DCTN5: variants seen among roughly 807,000 people sequenced by gnomAD.
The protein encoded by DCTN5 is dynactin 4.
A neutral mutation model predicts 23.5 loss-of-function variants in DCTN5; 14 were observed. That is an observed-to-expected ratio of 0.60 (90% confidence interval 0.39 to 0.93). DCTN5 has a LOEUF of 0.93. Ranked by LOEUF, DCTN5 falls within the 40% of genes least tolerant of loss-of-function variation. The pLI is 0.00. For synonymous variants in DCTN5, 67 were observed against 79.6 expected, an observed-to-expected ratio of 0.84 and a Z score of 0.84; for missense variants, 156 against 225.9, an observed-to-expected ratio of 0.69 and a Z score of 1.98.
rs1338363679 is a variant in DCTN5 at position 23,673,500 on chromosome 16, GT to G, written c.*6361del. On this transcript the variant is annotated 3_prime_UTR_variant, in exon 6 of 6. Transcript: ENST00000300087. ...GTGTGAATGAAAAATATTTGAACTTGTTTTTACTGGTTGATTTCATTGCTTA... is the reference window on the plus strand; with the variant it reads ...GTGTGAATGAAAAATATTTGAACTTGTTTTACTGGTTGATTTCATTGCTTA... The G allele has an allele frequency of 6.6e-6, 1 of 152,168 alleles. No individual in the cohort carries two copies. The highest frequency in any genetic ancestry group is 1.5e-5 in the Non-Finnish European group (1 of 68,032). 9.4% of individuals were successfully genotyped at this position (152,168 alleles called of 1,614,324 possible). A position where few individuals can be genotyped will look rare whatever the true frequency, so the allele number is the denominator to read the frequency against.
intron 2 of DCTN5, among the ~76,000 whole-genome samples, chr16:23,654,790 G>T (rs927741602): frequency 2.0e-5 from 3 of 152,066 alleles, no homozygotes; most frequent in Non-Finnish European, 4.4e-5. Context: ...GTAACCAACA[G>T]TCTACTCTCT....
rs541127725 is a variant in DCTN5 at position 23,673,996 on chromosome 16, C to T, written c.*6852C>T. The T allele has an allele frequency of 2.0e-5, 3 of 152,222 alleles. No individual in the cohort carries two copies. The highest frequency in any genetic ancestry group is 7.2e-5 in the African/African-American group (3 of 41,446). The allele number at this position is 152,222 out of a possible 1,614,324, so 9.4% of individuals were successfully genotyped here. On this transcript the variant is annotated 3_prime_UTR_variant, in exon 6 of 6. Coordinates refer to ENST00000300087, the MANE Select transcript of DCTN5 (RefSeq NM_032486.4). ...CCAACAAGATAAAAAGGCAGCCTTGCATGTCACTTGGACCACAGCTGTCTG... is the reference window on the plus strand; with the variant it reads ...CCAACAAGATAAAAAGGCAGCCTTGTATGTCACTTGGACCACAGCTGTCTG...
chr16:23,657,415 C>T, intron 2 of DCTN5: 1 of 377,666 alleles, frequency 2.6e-6, no homozygotes, highest in South Asian at 1.9e-5. Flanking sequence ...ATGATTGTGG[C>T]ACTGCACTGC....
chr16:23,652,096 G>A (rs1471785179), intron 2 of DCTN5, among the ~76,000 whole-genome samples: 3 of 152,200 alleles, frequency 2.0e-5, no homozygotes, highest in African/African-American at 7.2e-5. Flanking sequence ...AGCAGCAGAT[G>A]TGGAAGTTCT....
chr16:23,641,676 C>T (rs976208555), intron 1 of DCTN5, 86 bp downstream of exon 1: 2 of 1,385,262 alleles, frequency 1.4e-6, no homozygotes, highest in Non-Finnish European at 2.0e-6. Context: ...GCCCCTACCC[C>T]ACCAACCCCT....
chr16:23,641,493 G>T lies in DCTN5; in HGVS notation c.-50G>T. 1 of 1,611,664 alleles carries T rather than the reference G, an allele frequency of 6.2e-7. No homozygotes were observed. Among genetic ancestry groups the T allele is most frequent in the South Asian group, 1.1e-5 (1 of 90,868 alleles). On this transcript the variant is annotated 5_prime_UTR_variant, in exon 1 of 6. Transcript: ENST00000300087. ...AAGTAGCCGGAATCTCTGAAAGACTGACCGACTGACTCTGACAGGATCCGG... is the reference window on the plus strand; with the variant it reads ...AAGTAGCCGGAATCTCTGAAAGACTTACCGACTGACTCTGACAGGATCCGG...
intron 2 of DCTN5, among the ~76,000 whole-genome samples, chr16:23,656,216 G>T (rs1271117749): frequency 6.6e-6 from 1 of 152,168 alleles, no homozygotes; most frequent in Non-Finnish European, 1.5e-5. Flanking sequence ...GACAGAGCGA[G>T]ACCCTGTCTC....
At chr16:23,645,735 T>G (rs1158334792) in intron 2 of DCTN5, among the ~76,000 whole-genome samples, 1 of 152,186 alleles carries the variant, frequency 6.6e-6, no homozygotes, top group Non-Finnish European at 1.5e-5. Context: ...AGAACTTCAT[T>G]CCTTTCCATA....
intron 2 of DCTN5, 23 bp from the exon 3 acceptor site, chr16:23,658,484 T>G: frequency 6.4e-7 from 1 of 1,568,738 alleles, no homozygotes; most frequent in Non-Finnish European, 8.8e-7. Flanking sequence ...TGCTAATTTT[T>G]TAAAATTTGC....
intron 4 of DCTN5, among the ~76,000 whole-genome samples, chr16:23,665,116 A>T (rs184844754): frequency 1.2e-4 from 18 of 152,300 alleles, no homozygotes; most frequent in Admixed American, 2.0e-4. Flanking sequence ...TGCTTTCCCC[A>T]GTAGTCCCAG....
intron 5 of DCTN5, 173 bp downstream of exon 5, chr16:23,665,901 G>C (rs1045442460): frequency 1.7e-5 from 10 of 603,242 alleles, no homozygotes; most frequent in Non-Finnish European, 2.6e-5. Context: ...ACAAGCATCT[G>C]TTTAAATGCA....
intron 2 of DCTN5, among the ~76,000 whole-genome samples, chr16:23,645,110 TATATATA>T (rs1967410908): frequency 2.5e-5 from 1 of 39,572 alleles, no homozygotes; most frequent in African/African-American, 9.7e-5. Flanking sequence ...TATATATATA[TATATATA>T]TATATATATA....
In DCTN5 at chr16:23,668,378, AGTTT is replaced by A. The variant is rs1967944448; in HGVS notation, c.*1238_*1241del. 1 of 152,188 alleles carries A rather than the reference AGTTT, an allele frequency of 6.6e-6. No individual in the cohort carries two copies. The highest frequency in any genetic ancestry group is 1.5e-5 in the Non-Finnish European group (1 of 68,028). 9.4% of individuals were successfully genotyped at this position (152,188 alleles called of 1,614,324 possible). A position where few individuals can be genotyped will look rare whatever the true frequency, so the allele number is the denominator to read the frequency against. On this transcript the variant is annotated 3_prime_UTR_variant, in exon 6 of 6. Coordinates refer to ENST00000300087, the MANE Select transcript of DCTN5 (RefSeq NM_032486.4). ...CTAGTTCCATCTAGAACTCCTTTCT[AGTTT>A]GTTATTTTTAAAATGTTTATACATA...
chr16:23,647,901 C>T (rs911965468), intron 2 of DCTN5, among the ~76,000 whole-genome samples: 1 of 152,066 alleles, frequency 6.6e-6, no homozygotes, highest in African/African-American at 2.4e-5. Context: ...AAAATTAAAT[C>T]AACACCAGTG....
intron 2 of DCTN5, chr16:23,650,729 T>C (rs1967586180): frequency 6.5e-7 from 1 of 1,531,514 alleles, no homozygotes; most frequent in African/African-American, 1.4e-5. Flanking sequence ...GAACAATCCA[T>C]TTATATTTCT....
intron 3 of DCTN5, among the ~76,000 whole-genome samples, chr16:23,660,136 G>A (rs185390543): frequency 6.6e-6 from 1 of 152,298 alleles, no homozygotes; most frequent in African/African-American, 2.4e-5. Flanking sequence ...TACTGCTACA[G>A]ACTGTGATGA....
At chr16:23,661,446 C>T (rs757598555) in intron 4 of DCTN5, among the ~76,000 whole-genome samples, 165 bp downstream of exon 4, 32 of 152,092 alleles carry the variant, frequency 2.1e-4, no homozygotes, top group Non-Finnish European at 3.5e-4. Flanking sequence ...CAGCTGGGTG[C>T]GGTGGCTCAT....
chr16:23,644,292 T>G (rs1597110395), intron 2 of DCTN5, among the ~76,000 whole-genome samples: 1 of 137,716 alleles, frequency 7.3e-6, no homozygotes, highest in Admixed American at 7.3e-5. Context: ...CATGCCCACC[T>G]AATTTTTTTT....
At position 23,645,106 on chromosome 16, in the gene DCTN5, T is replaced by TATATATATAC. The variant is rs1967408635; in HGVS notation, c.117+2092_117+2093insCATATATATA. Among the ~76,000 whole-genome samples, 5 of 32,210 alleles carry TATATATATAC rather than the reference T, an allele frequency of 1.6e-4. No homozygotes were observed. In the South Asian group the frequency reaches 3.6e-3, roughly 23 times the overall value. 21.1% of individuals were successfully genotyped at this position (32,210 alleles called of 152,430 possible). On this transcript the variant is annotated intron_variant, in intron 2 of 5. Transcript: ENST00000300087. The stretch of plus-strand genomic sequence containing the variant: ...AACTATATATATATATATATATATA[T>TATATATATAC]ATATATATATATATATATATATATA...
Sources: allele counts gnomAD v4.1 joint callset (sites outside exome capture counted in the v4.1 genomes callset), GRCh38; gene constraint gnomAD v4.1.1; transcripts MANE v1.5; gene names NCBI Gene and HGNC (gene_info 2026-07-23, HGNC 2026-07-21).